Variants in PARVA observed in about 807,000 individuals in gnomAD.
PARVA encodes the protein alpha-parvin.
Under a neutral mutation model 52.6 loss-of-function variants are expected in PARVA, and 25 were observed. The observed-to-expected ratio is 0.48, with a 90% CI of 0.35 to 0.66. PARVA has a LOEUF of 0.66. Among genes scored for constraint, PARVA ranks in the 30% least tolerant of loss-of-function variants. The probability of loss-of-function intolerance (pLI) is 0.01; values close to 1 mark genes in which losing one functional copy is unlikely to be tolerated. For synonymous variants in PARVA, 185 were observed against 179.1 expected (o/e 1.03, Z -0.26); for missense variants, 373 against 450.9 (o/e 0.83, Z 1.56).
At chr11:12,384,577 CAGTATTA>C (rs1354211458) in intron 1 of PARVA, among the ~76,000 whole-genome samples, 1 of 152,052 alleles carries the variant, frequency 6.6e-6, no homozygotes, top group East Asian at 1.9e-4. Flanking sequence ...GGATGGTTGT[CAGTATTA>C]AGTAGGATGG....
At chr11:12,440,509 T>C (rs1026717296) in intron 1 of PARVA, among the ~76,000 whole-genome samples, 1 of 152,208 alleles carries the variant, frequency 6.6e-6, no homozygotes, top group African/African-American at 2.4e-5. Flanking sequence ...CTTAAAACAA[T>C]CCATGTATTA....
chr11:12,476,105 G>C (rs1941010747), intron 3 of PARVA, among the ~76,000 whole-genome samples: 1 of 152,182 alleles, frequency 6.6e-6, no homozygotes, highest in African/African-American at 2.4e-5. Context: ...AGGACGGTCA[G>C]AATGGGCTCC....
At chr11:12,420,048 A>G (rs1312216577) in intron 1 of PARVA, among the ~76,000 whole-genome samples, 2 of 152,226 alleles carry the variant, frequency 1.3e-5, no homozygotes, top group Non-Finnish European at 2.9e-5. Flanking sequence ...CCGAATACAT[A>G]CGTAGCTAGT....
At chr11:12,392,253 C>T (rs1167860831) in intron 1 of PARVA, among the ~76,000 whole-genome samples, 1 of 149,636 alleles carries the variant, frequency 6.7e-6, no homozygotes, top group African/African-American at 2.5e-5. Flanking sequence ...TAGCATGTAT[C>T]TGTACTTCAT....
rs564192405 is a variant in PARVA at position 12,443,264 on chromosome 11, C to T, written c.137-30481C>T. Reference sequence around the variant, plus strand: ...TCAGCTCACTGCAACCTTCGCATCCCGGGTTGAAGCGATTCCCTTGCCTCA... The same window carrying T: ...TCAGCTCACTGCAACCTTCGCATCCTGGGTTGAAGCGATTCCCTTGCCTCA... On this transcript the variant is annotated intron_variant, in intron 1 of 12. Transcript: ENST00000334956. Among the ~76,000 whole-genome samples, 9 of 150,474 alleles carry T rather than the reference C, an allele frequency of 6.0e-5. 2 individuals are homozygous for T. The highest frequency in any genetic ancestry group is 1.7e-4 in the African/African-American group (7 of 41,084).
intron 7 of PARVA, 127 bp from the exon 8 acceptor site, chr11:12,511,387 A>G (rs555926421): frequency 4.8e-4 from 463 of 966,784 alleles, no homozygotes; most frequent in Non-Finnish European, 7.0e-4. Context: ...CTCCTCAACC[A>G]AGGGCAGGTG....
chr11:12,525,775 G>A (rs539353709), intron 12 of PARVA, among the ~76,000 whole-genome samples: 3 of 152,172 alleles, frequency 2.0e-5, no homozygotes, highest in African/African-American at 7.2e-5. Context: ...GAATCTGGGA[G>A]CTCCAGGCCA....
chr11:12,441,546 G>A (rs1297172386), intron 1 of PARVA, among the ~76,000 whole-genome samples: 2 of 151,984 alleles, frequency 1.3e-5, no homozygotes, highest in African/African-American at 4.8e-5. Context: ...CCATAAAGCC[G>A]AAAAGCTATT....
chr11:12,378,883 C>T (rs148823323), intron 1 of PARVA, among the ~76,000 whole-genome samples: 3,365 of 152,144 alleles, frequency 0.022, 36 homozygotes, highest in African/African-American at 0.027. Context: ...TTGGATCTCA[C>T]GCAAGAAAGA....
intron 1 of PARVA, among the ~76,000 whole-genome samples, chr11:12,456,420 A>C (rs1041585290): frequency 1.3e-5 from 2 of 152,128 alleles, no homozygotes; most frequent in Non-Finnish European, 2.9e-5. Flanking sequence ...CTGTATCATC[A>C]GGGTAGTGTA....
At chr11:12,400,264 CT>C (rs1939807036) in intron 1 of PARVA, among the ~76,000 whole-genome samples, 1 of 152,076 alleles carries the variant, frequency 6.6e-6, no homozygotes, top group African/African-American at 2.4e-5. Context: ...GTGGGAACAA[CT>C]TTAATTGTTT....
At chr11:12,439,668 TG>T (rs577096739) in intron 1 of PARVA, among the ~76,000 whole-genome samples, 1,649 of 152,306 alleles carry the variant, frequency 0.011, 15 homozygotes, top group Middle Eastern at 0.027. Flanking sequence ...TTTCCCATAT[TG>T]GCCCTACCTG....
At chr11:12,448,085 T>C (rs1940572077) in intron 1 of PARVA, among the ~76,000 whole-genome samples, 1 of 152,216 alleles carries the variant, frequency 6.6e-6, no homozygotes, top group African/African-American at 2.4e-5. Flanking sequence ...TTATAATGTG[T>C]ATAAATTACA....
chr11:12,395,441 G>A (rs1013527194), intron 1 of PARVA, among the ~76,000 whole-genome samples: 1 of 152,082 alleles, frequency 6.6e-6, no homozygotes, highest in Admixed American at 6.6e-5. Flanking sequence ...GGTCAGTGCC[G>A]GGAGAATCGG....
chr11:12,382,825 G>T (rs571797462), intron 1 of PARVA, among the ~76,000 whole-genome samples: 2 of 152,318 alleles, frequency 1.3e-5, no homozygotes, highest in East Asian at 3.9e-4. Context: ...ATGAGAATAA[G>T]AATTCCTTCT....
upstream of PARVA, chr11:12,376,850 A>G: frequency 2.2e-6 from 1 of 448,144 alleles, no homozygotes; most frequent in Non-Finnish European, 3.0e-6. Context: ...TCTTGCTTTT[A>G]TTTAGGCAGG....
intron 1 of PARVA, among the ~76,000 whole-genome samples, chr11:12,395,779 C>T (rs1939734241): frequency 6.6e-6 from 1 of 152,204 alleles, no homozygotes; most frequent in African/African-American, 2.4e-5. Flanking sequence ...GGCAGCCCAG[C>T]TTCTGACCCA....
chr11:12,394,811 G>T lies in PARVA; in HGVS notation c.136+17028G>T, dbSNP rs184779205. ...CCACCTATATGAAAAGGCCCTACAG[G>T]CTGGGCGTGGTGGCTCAAGCCTGTA... On this transcript the variant is annotated intron_variant, in intron 1 of 12. Coordinates refer to ENST00000334956, the MANE Select transcript of PARVA (RefSeq NM_018222.5). Among the ~76,000 whole-genome samples the T allele has an allele frequency of 5.9e-5, 9 of 152,342 alleles. No homozygotes were observed. The East Asian group carries it at 1.7e-3, about 29-fold the overall frequency.
chr11:12,530,168 T>G lies in PARVA; in HGVS notation c.*2243T>G, dbSNP rs1478018246. 1 of 152,242 alleles carries G rather than the reference T, an allele frequency of 6.6e-6. No individual in the cohort carries two copies. The highest frequency in any genetic ancestry group is 6.5e-5 in the Admixed American group (1 of 15,286). 9.4% of individuals were successfully genotyped at this position (152,242 alleles called of 1,614,324 possible). On this transcript the variant is annotated 3_prime_UTR_variant, in exon 13 of 13. Transcript: ENST00000334956. ...AATACATTGGAACACTAGGAAAGTT[T>G]TTAAATAACAGTTCTAATTTATCAG...
Sources: gnomAD v4.1 joint callset for allele counts (sites outside exome capture counted in the v4.1 genomes callset) on GRCh38, gnomAD v4.1.1 for gene constraint, MANE v1.5 for transcripts, NCBI Gene and HGNC (gene_info 2026-07-23, HGNC 2026-07-21) for gene names.